ADRA1A: variants seen among roughly 807,000 people sequenced by gnomAD.
ADRA1A encodes the protein adrenoceptor alpha 1A.
A neutral mutation model predicts 29.6 loss-of-function variants in ADRA1A; 31 were observed. The ratio of observed to expected loss-of-function variants is 1.05; its 90% CI spans 0.79 to 1.41. ADRA1A has a LOEUF of 1.41. Ranked by LOEUF, ADRA1A falls within the 40% of genes most tolerant of loss-of-function variation. The probability of loss-of-function intolerance (pLI) is 0.00; values close to 1 mark genes in which losing one functional copy is unlikely to be tolerated. For synonymous variants in ADRA1A, 311 were observed against 254.3 expected (o/e 1.22, Z -2.12); for missense variants, 619 against 601.1 (o/e 1.03, Z -0.31).
intron 2 of ADRA1A, among the ~76,000 whole-genome samples, chr8:26,784,654 A>G (rs1807245695): frequency 6.6e-6 from 1 of 152,242 alleles, no homozygotes; most frequent in Non-Finnish European, 1.5e-5. Context: ...AAGAGTTTCT[A>G]TCTCAAGATA....
chr8:26,803,537 G>C (rs1481761661), intron 2 of ADRA1A, among the ~76,000 whole-genome samples: 1 of 152,066 alleles, frequency 6.6e-6, no homozygotes, highest in Non-Finnish European at 1.5e-5. Context: ...ATATTTCCTG[G>C]ATAAGACTTG....
downstream of ADRA1A, chr8:26,765,722 A>T: frequency 1.1e-6 from 1 of 936,330 alleles, no homozygotes; most frequent in Non-Finnish European, 1.3e-6. Context: ...TAATGAGCAG[A>T]GCTCTTTCTT....
intron 2 of ADRA1A, among the ~76,000 whole-genome samples, chr8:26,811,602 T>C (rs1404300244): frequency 2.0e-5 from 3 of 152,260 alleles, no homozygotes; most frequent in Non-Finnish European, 2.9e-5. Context: ...TCTCAACTGA[T>C]GGGAGCATAA....
chr8:26,867,311 G>C (rs1182017400), upstream of ADRA1A: 2 of 985,280 alleles, frequency 2.0e-6, no homozygotes, highest in Non-Finnish European at 1.2e-6. Flanking sequence ...GTAATCTCCT[G>C]CTGCTACCGT....
intron 2 of ADRA1A, among the ~76,000 whole-genome samples, chr8:26,808,494 G>C (rs1443062545): frequency 6.6e-6 from 1 of 152,026 alleles, no homozygotes; most frequent in Non-Finnish European, 1.5e-5. Context: ...TGGTGATCTT[G>C]GCAATTCTTA....
chr8:26,847,924 CT>C (rs1376796628), intron 2 of ADRA1A, among the ~76,000 whole-genome samples: 1 of 152,214 alleles, frequency 6.6e-6, no homozygotes, highest in Non-Finnish European at 1.5e-5. Flanking sequence ...GCAGTGCTGC[CT>C]TTATCCATTT....
At chr8:26,816,816 C>T (rs1809802506) in intron 2 of ADRA1A, among the ~76,000 whole-genome samples, 1 of 152,162 alleles carries the variant, frequency 6.6e-6, no homozygotes, top group Non-Finnish European at 1.5e-5. Context: ...CCCTGGCATG[C>T]CAGCCCCCAT....
intron 2 of ADRA1A, among the ~76,000 whole-genome samples, chr8:26,833,924 A>T (rs112661992): frequency 2.0e-5 from 3 of 152,352 alleles, no homozygotes; most frequent in African/African-American, 7.2e-5. Flanking sequence ...GCCAAGGAAA[A>T]GGTGAGTTAT....
intron 2 of ADRA1A, among the ~76,000 whole-genome samples, chr8:26,816,422 A>G (rs551529393): frequency 1.3e-5 from 2 of 152,344 alleles, no homozygotes; most frequent in East Asian, 3.9e-4. Flanking sequence ...AGAGCATCAG[A>G]GCCCACCCAT....
intron 2 of ADRA1A, among the ~76,000 whole-genome samples, chr8:26,784,307 C>T (rs13275271): frequency 0.06 from 9,135 of 152,274 alleles, 635 homozygotes; most frequent in African/African-American, 0.16. Context: ...AAGAAAAAGT[C>T]GTTTCCCGCT....
In ADRA1A at chr8:26,864,164, T is replaced by G; in HGVS notation, c.806A>C (p.Lys269Thr). 3 of 1,614,128 alleles carry G rather than the reference T, an allele frequency of 1.9e-6. No individual in the cohort carries two copies. Among genetic ancestry groups the G allele is most frequent in the Non-Finnish European group, 2.5e-6 (3 of 1,180,042 alleles). Reference sequence around the variant, plus strand: ...CACGATGCCCAGCGTTTTGGCCGCTTTCTTCTCCCGGGAGAACTTGAGGAG... The same window carrying G: ...CACGATGCCCAGCGTTTTGGCCGCTGTCTTCTCCCGGGAGAACTTGAGGAG... ...VRLLKFSREK[K>T]AAKTLGIVVG... Residue 269 changes from lysine to threonine, a missense_variant, in exon 2 of 3, where the codon AAA becomes ACA. Physicochemically the swap from Lys to Thr is moderately conservative, Grantham distance 78. Transcript: ENST00000380573. The surrounding 1 kb of genome is among the most constrained non-coding windows in gnomAD (Gnocchi z 8.1).
Position 26,770,281 on chromosome 8 carries a change from C to G in ADRA1A, c.1269G>C (p.Arg423=), listed in dbSNP as rs1230403223. 1 of 1,614,086 alleles carries G rather than the reference C, an allele frequency of 6.2e-7. No individual in the cohort carries two copies. The highest frequency in any genetic ancestry group is 8.5e-7 in the Non-Finnish European group (1 of 1,180,044). The change falls in exon 3 of 3, where the codon CGG becomes CGC. Residue 423 remains arginine, a synonymous_variant. Coordinates refer to ENST00000380573, the MANE Select transcript of ADRA1A (RefSeq NM_000680.4). ...CCTGCAAAAAGCTTTTACTTCTCAC[C>G]CGGGCTGTGGTACAGGAGGATTGGT... ...SKDQSSCTTA[R]VRSKSFLQVC...
downstream of ADRA1A, chr8:26,766,151 TGTCC>T (rs1160988014): frequency 6.3e-7 from 1 of 1,596,710 alleles, no homozygotes; most frequent in Admixed American, 1.7e-5. Context: ...CATTCCCCTC[TGTCC>T]AAACAAAAAA....
At chr8:26,762,317 A>C (rs1768870115), downstream of ADRA1A, among the ~76,000 whole-genome samples, 1 of 152,148 alleles carries the variant, frequency 6.6e-6, no homozygotes, top group Non-Finnish European at 1.5e-5. This position sits in a 1 kb window ranked among gnomAD's most constrained non-coding sequence, Gnocchi z 4.0. Context: ...CACTGCAAGC[A>C]GAGGGTAAAA....
At chr8:26,838,748 T>G (rs777948458) in intron 2 of ADRA1A, among the ~76,000 whole-genome samples, 2 of 152,218 alleles carry the variant, frequency 1.3e-5, no homozygotes, top group Non-Finnish European at 2.9e-5. Flanking sequence ...TGGTAGAAGA[T>G]AAAGGTACTG....
intron 2 of ADRA1A, among the ~76,000 whole-genome samples, chr8:26,844,818 C>T (rs185316388): frequency 1.9e-3 from 293 of 152,242 alleles, no homozygotes; most frequent in African/African-American, 6.9e-3. Context: ...ATTTTTGCAA[C>T]TTTGTCAGGG....
chr8:26,783,934 A>T (rs1275787178), intron 2 of ADRA1A, among the ~76,000 whole-genome samples: 1 of 152,164 alleles, frequency 6.6e-6, no homozygotes, highest in Middle Eastern at 3.2e-3. Flanking sequence ...CAGGAACAGA[A>T]AACCAGACAC....
Position 26,769,963 on chromosome 8 carries a change from G to A in ADRA1A, c.*186C>T. 1 of 1,389,160 alleles carries A rather than the reference G, an allele frequency of 7.2e-7. No individual in the cohort carries two copies. The highest frequency in any genetic ancestry group is 2.5e-5 in the East Asian group (1 of 40,734). 86.1% of individuals were successfully genotyped at this position (1,389,160 alleles called of 1,614,324 possible). On this transcript the variant is annotated 3_prime_UTR_variant, in exon 3 of 3. Coordinates refer to ENST00000380573, the MANE Select transcript of ADRA1A (RefSeq NM_000680.4). ...GTATCATTCTGAACTGGTTGGTTGT[G>A]AGACACCCTCCCTCTTCCCTGTGCC...
intron 2 of ADRA1A, among the ~76,000 whole-genome samples, chr8:26,858,171 G>A (rs1383504238): frequency 1.3e-5 from 2 of 152,184 alleles, no homozygotes; most frequent in African/African-American, 4.8e-5. Flanking sequence ...GTCTATGTAA[G>A]CCACATCTCA....
Sources: allele counts gnomAD v4.1 joint callset (sites outside exome capture counted in the v4.1 genomes callset), GRCh38; gene constraint gnomAD v4.1.1; non-coding constraint Gnocchi (gnomAD v3.1); transcripts MANE v1.5; gene names NCBI Gene and HGNC (gene_info 2026-07-23, HGNC 2026-07-21).